Variants in MTA3 observed in about 807,000 individuals in gnomAD.
MTA3 encodes metastasis associated 1 family member 3.
A neutral mutation model predicts 83.5 loss-of-function variants in MTA3; 34 were observed. The ratio of observed to expected loss-of-function variants is 0.41; its 90% CI spans 0.31 to 0.54. The LOEUF is 0.54. Among genes scored for constraint, MTA3 ranks in the 20% least tolerant of loss-of-function variants. The pLI is 0.33. For synonymous variants in MTA3, 303 were observed against 252.7 expected (o/e 1.20, Z -1.89); for missense variants, 761 against 726.4 (o/e 1.05, Z -0.55).
At chr2:42,549,558 T>C (rs1676998894) in intron 2 of MTA3, among the ~76,000 whole-genome samples, 2 of 114,784 alleles carry the variant, frequency 1.7e-5, no homozygotes, top group Non-Finnish European at 3.2e-5. Flanking sequence ...ATATATATTA[T>C]ATACATATAC....
chr2:42,627,083 T>G (rs902404028), intron 4 of MTA3, among the ~76,000 whole-genome samples: 10 of 152,222 alleles, frequency 6.6e-5, no homozygotes, highest in African/African-American at 2.4e-4. Context: ...CTTTTTTCTT[T>G]TTTTTTCCTT....
chr2:42,720,819 G>A (rs1052557138), intron 15 of MTA3, among the ~76,000 whole-genome samples: 7 of 151,660 alleles, frequency 4.6e-5, no homozygotes, highest in Admixed American at 6.6e-5. Flanking sequence ...GTGGTGGTGC[G>A]TGCCTGTGGT....
intron 8 of MTA3, among the ~76,000 whole-genome samples, chr2:42,665,792 T>G (rs1418933019): frequency 6.6e-6 from 1 of 152,154 alleles, no homozygotes; most frequent in Non-Finnish European, 1.5e-5. Flanking sequence ...GTTTTACAGG[T>G]GATGAGCCGA....
chr2:42,625,924 A>T, intron 4 of MTA3, among the ~76,000 whole-genome samples: 1 of 145,876 alleles, frequency 6.9e-6, no homozygotes, highest in African/African-American at 2.6e-5. Context: ...GTATTAGATG[A>T]TTCAGTTATC....
In MTA3 at chr2:42,752,339, G is replaced by A. The variant is rs149290695; in HGVS notation, c.1760-1035G>A. The A allele has an allele frequency of 2.5e-3, 1,192 of 468,334 alleles. 13 individuals are homozygous for A. The highest frequency in any genetic ancestry group is 0.011 in the South Asian group (733 of 64,450). The allele number at this position is 468,334 out of a possible 1,614,324, so 29.0% of individuals were successfully genotyped here. A position where few individuals can be genotyped will look rare whatever the true frequency, so the allele number is the denominator to read the frequency against. On this transcript the variant is annotated intron_variant, in intron 16 of 16. Transcript: ENST00000405094. ...ATTGCTGGGTCCTTTCCTGGCAGCAGGGTGATGTGCCTGGGGCAGAGAATA... is the reference window on the plus strand; with the variant it reads ...ATTGCTGGGTCCTTTCCTGGCAGCAAGGTGATGTGCCTGGGGCAGAGAATA...
intron 2 of MTA3, among the ~76,000 whole-genome samples, chr2:42,577,105 A>AAAAAAAAAATATATATAT (rs1211189566): frequency 3.5e-5 from 3 of 86,916 alleles, no homozygotes; most frequent in African/African-American, 1.6e-4. Flanking sequence ...AAAAAAAAAA[A>AAAAAAAAAATATATATAT]ATATATATAT....
intron 8 of MTA3, among the ~76,000 whole-genome samples, chr2:42,678,059 G>A (rs1691544222): frequency 6.6e-6 from 1 of 152,148 alleles, no homozygotes; most frequent in African/African-American, 2.4e-5. Context: ...TACACAGTCT[G>A]TCTAGTTAGC....
At chr2:42,509,232 G>A (rs1378807242) in intron 2 of MTA3, among the ~76,000 whole-genome samples, 8 of 152,080 alleles carry the variant, frequency 5.3e-5, no homozygotes, top group Admixed American at 1.3e-4. Context: ...TAGTAGAAAC[G>A]GGGTTTCACC....
chr2:42,665,633 C>T lies in MTA3; in HGVS notation c.702+5771C>T, dbSNP rs148616128. Among the ~76,000 whole-genome samples the T allele has an allele frequency of 9.9e-4, 151 of 152,270 alleles. 2 individuals are homozygous for T. The highest frequency in any genetic ancestry group is 1.8e-3 in the Non-Finnish European group (124 of 68,028). On this transcript the variant is annotated intron_variant, in intron 8 of 16. Coordinates refer to ENST00000405094, the MANE Select transcript of MTA3 (RefSeq NM_001330442.2). ...CATGAGCATTGTGAGGGAGCTGGAT[C>T]GAAGCCTTAGACCTGCCAAAGTGAA...
chr2:42,568,117 C>G (rs1234901754), upstream of MTA3: 1 of 152,316 alleles, frequency 6.6e-6, no homozygotes, highest in Non-Finnish European at 1.5e-5. Flanking sequence ...CCTTGAATCT[C>G]ACCGCGAGGA....
At chr2:42,494,487 C>CT (rs1228461652), upstream of MTA3, 1 of 152,358 alleles carries the variant, frequency 6.6e-6, no homozygotes, top group African/African-American at 2.4e-5. Context: ...ACGGCTTTTC[C>CT]TGCCGACTTT....
intron 2 of MTA3, among the ~76,000 whole-genome samples, chr2:42,496,728 G>C (rs1016525048): frequency 4.6e-5 from 7 of 152,072 alleles, no homozygotes; most frequent in Non-Finnish European, 1.0e-4. Context: ...TCCTGGCAGA[G>C]GCTAGAATCA....
At position 42,753,655 on chromosome 2, in the gene MTA3, A is replaced by G. The variant is rs1236307985; in HGVS notation, c.*256A>G. The G allele has an allele frequency of 7.6e-7, 1 of 1,313,476 alleles. No homozygotes were observed. 81.4% of individuals were successfully genotyped at this position (1,313,476 alleles called of 1,614,324 possible). A position where few individuals can be genotyped will look rare whatever the true frequency, so the allele number is the denominator to read the frequency against. On this transcript the variant is annotated 3_prime_UTR_variant, in exon 17 of 17. Coordinates refer to ENST00000405094, the MANE Select transcript of MTA3 (RefSeq NM_001330442.2). ...CTGTTACGGAGCGAGACCTGCTGAG[A>G]ATTGAGGGGCTGAGGGAACCCCTCC...
chr2:42,726,339 G>T (rs905240651), intron 16 of MTA3, among the ~76,000 whole-genome samples: 1 of 151,516 alleles, frequency 6.6e-6, no homozygotes, highest in Non-Finnish European at 1.5e-5. Context: ...TGCATTGCAG[G>T]TTCTTTTTTT....
chr2:42,746,037 C>T (rs1000742773), intron 16 of MTA3, among the ~76,000 whole-genome samples: 1 of 151,960 alleles, frequency 6.6e-6, no homozygotes, highest in East Asian at 1.9e-4. Context: ...TGGTCTCGAT[C>T]TCCTGACATT....
intron 5 of MTA3, among the ~76,000 whole-genome samples, chr2:42,641,680 T>C (rs1315789135): frequency 3.3e-5 from 5 of 152,068 alleles, no homozygotes; most frequent in Admixed American, 3.3e-4. Context: ...AGCCTGTATC[T>C]GCTAAAAATA....
At chr2:42,718,329 T>C (rs1667171823) in intron 14 of MTA3, among the ~76,000 whole-genome samples, 1 of 151,722 alleles carries the variant, frequency 6.6e-6, no homozygotes. Context: ...CTCACCGCAA[T>C]GTCCACCTCC....
chr2:42,551,928 A>G (rs1677127249), intron 2 of MTA3, among the ~76,000 whole-genome samples: 1 of 151,998 alleles, frequency 6.6e-6, no homozygotes, highest in Non-Finnish European at 1.5e-5. Flanking sequence ...GGGTTTCACC[A>G]TGTTGGCCAA....
chr2:42,706,763 G>C (rs1666126928), intron 12 of MTA3, among the ~76,000 whole-genome samples: 1 of 152,204 alleles, frequency 6.6e-6, no homozygotes, highest in Admixed American at 6.5e-5. Context: ...ACAGTGTTCA[G>C]CTAGCTGTTA....
Sources: allele counts gnomAD v4.1 joint callset (sites outside exome capture counted in the v4.1 genomes callset), GRCh38; gene constraint gnomAD v4.1.1; transcripts MANE v1.5; gene names NCBI Gene and HGNC (gene_info 2026-07-23, HGNC 2026-07-21).